Variants in NTNG1 observed in about 807,000 individuals in gnomAD.
The protein encoded by NTNG1 is netrin-G1.
A neutral mutation model predicts 54.0 loss-of-function variants in NTNG1; 16 were observed. The ratio of observed to expected loss-of-function variants is 0.30; its 90% CI spans 0.20 to 0.45. The LOEUF is 0.45. Ranked by LOEUF, NTNG1 falls within the 20% of genes least tolerant of loss-of-function variation. The pLI, the probability that NTNG1 is intolerant of heterozygous loss-of-function variation, is 1.00. For synonymous variants in NTNG1, 255 were observed against 263.1 expected (o/e 0.97, Z 0.30); for missense variants, 530 against 678.7 (o/e 0.78, Z 2.43).
chr1:107,464,403 C>A (rs1677469935), intron 7 of NTNG1, among the ~76,000 whole-genome samples: 2 of 152,078 alleles, frequency 1.3e-5, no homozygotes. Flanking sequence ...AAAGATTTGC[C>A]TAGTTGGGGC....
intron 7 of NTNG1, among the ~76,000 whole-genome samples, chr1:107,437,677 G>A (rs919125569): frequency 6.6e-6 from 1 of 152,016 alleles, no homozygotes; most frequent in Non-Finnish European, 1.5e-5. Flanking sequence ...AAAGTAAAAA[G>A]AAATAAGATA....
chr1:107,439,277 C>CGT (rs3064151), intron 7 of NTNG1, among the ~76,000 whole-genome samples: 76,559 of 145,748 alleles, frequency 0.53, 21,277 homozygotes, highest in Non-Finnish European at 0.62. Flanking sequence ...CCAGAACTTG[C>CGT]GTGTGTGTGT....
intron 2 of NTNG1, among the ~76,000 whole-genome samples, chr1:107,271,722 A>G (rs1664155952): frequency 1.3e-5 from 2 of 152,148 alleles, no homozygotes; most frequent in African/African-American, 4.8e-5. Flanking sequence ...GGTAAAATGG[A>G]TGTTTCCCCA....
rs140195957 is a variant in NTNG1 at position 107,368,785 on chromosome 1, C to A, written c.888-26369C>A. On this transcript the variant is annotated intron_variant, in intron 3 of 7. Transcript: ENST00000370068. ...AATGGAGTCAGGATTCCATTCCAGG[C>A]AGTCCAACACTAAGACCTTGTCTTT... 7.2e-5 allele frequency among the ~76,000 whole-genome samples: 11 copies of A among 152,268 alleles called. No individual in the cohort carries two copies. The East Asian group carries it at 2.1e-3, about 29-fold the overall frequency.
intron 2 of NTNG1, among the ~76,000 whole-genome samples, chr1:107,247,494 C>T (rs1662281433): frequency 1.3e-5 from 2 of 152,116 alleles, no homozygotes; most frequent in South Asian, 4.1e-4. Flanking sequence ...AGTATAATAA[C>T]GTCTTTCAGT....
intron 2 of NTNG1, among the ~76,000 whole-genome samples, chr1:107,218,937 G>A (rs1433698843): frequency 1.3e-5 from 2 of 151,998 alleles, no homozygotes; most frequent in South Asian, 2.1e-4. Flanking sequence ...TCTTGTACTT[G>A]GATGTCTGGG....
chr1:107,315,923 T>G (rs1667311441), intron 2 of NTNG1, among the ~76,000 whole-genome samples: 1 of 152,190 alleles, frequency 6.6e-6, no homozygotes, highest in Non-Finnish European at 1.5e-5. Flanking sequence ...GATAGGAATA[T>G]AGATAAAGTA....
intron 5 of NTNG1, among the ~76,000 whole-genome samples, chr1:107,423,996 A>G (rs1225884673): frequency 6.6e-6 from 1 of 152,170 alleles, no homozygotes; most frequent in Non-Finnish European, 1.5e-5. Context: ...GCAATATCTT[A>G]AGTTCTGTAG....
At chr1:107,415,464 C>A (rs1046091793) in intron 5 of NTNG1, among the ~76,000 whole-genome samples, 1 of 152,088 alleles carries the variant, frequency 6.6e-6, no homozygotes, top group South Asian at 2.1e-4. Flanking sequence ...CTGAGAGAAA[C>A]CTTAGAAATC....
chr1:107,476,361 GACC>G (rs1441449829), intron 7 of NTNG1, among the ~76,000 whole-genome samples: 7 of 152,002 alleles, frequency 4.6e-5, no homozygotes, highest in East Asian at 3.9e-4. Context: ...TTGCAACAAC[GACC>G]ACCACCACCC....
intron 3 of NTNG1, among the ~76,000 whole-genome samples, chr1:107,361,446 A>G (rs1479095951): frequency 3.6e-5 from 5 of 139,836 alleles, no homozygotes; most frequent in African/African-American, 1.3e-4. Context: ...CTGGAGTGCA[A>G]TGGCGTGATC....
At chr1:107,293,058 A>C (rs944117554) in intron 2 of NTNG1, among the ~76,000 whole-genome samples, 1 of 152,174 alleles carries the variant, frequency 6.6e-6, no homozygotes, top group Non-Finnish European at 1.5e-5. Context: ...TTCACTGCTG[A>C]TAACACTATA....
chr1:107,155,024 G>C (rs1654880757), intron 2 of NTNG1, among the ~76,000 whole-genome samples: 1 of 152,028 alleles, frequency 6.6e-6, no homozygotes, highest in Non-Finnish European at 1.5e-5. Flanking sequence ...AGATAACCTT[G>C]TCTGCTTTTA....
intron 2 of NTNG1, among the ~76,000 whole-genome samples, chr1:107,253,774 A>G (rs2101627131): frequency 6.6e-6 from 1 of 152,336 alleles, no homozygotes; most frequent in South Asian, 2.1e-4. Flanking sequence ...TGCAAACAAA[A>G]GAACCAACAT....
intron 2 of NTNG1, among the ~76,000 whole-genome samples, chr1:107,245,828 G>A (rs1228084179): frequency 1.3e-5 from 2 of 152,038 alleles, no homozygotes; most frequent in Non-Finnish European, 2.9e-5. Flanking sequence ...CTATTAAATG[G>A]AAGTAATACC....
intron 2 of NTNG1, among the ~76,000 whole-genome samples, chr1:107,302,276 G>A (rs1349643373): frequency 6.6e-6 from 1 of 152,010 alleles, no homozygotes; most frequent in Non-Finnish European, 1.5e-5. Flanking sequence ...ATTAAGATAG[G>A]TCTGCCCCAT....
intron 7 of NTNG1, among the ~76,000 whole-genome samples, chr1:107,470,773 T>TTGTCTG (rs1169004949): frequency 1.3e-5 from 2 of 152,228 alleles, no homozygotes. Flanking sequence ...TATGAGAACC[T>TTGTCTG]TGTCTGTGTC....
At chr1:107,163,574 G>A (rs1655562517) in intron 2 of NTNG1, among the ~76,000 whole-genome samples, 1 of 152,070 alleles carries the variant, frequency 6.6e-6, no homozygotes, top group African/African-American at 2.4e-5. Flanking sequence ...CTGCTTGTGA[G>A]GTTCAGGCTC....
chr1:107,403,734 T>C (rs1273255286), intron 4 of NTNG1: 1 of 153,344 alleles, frequency 6.5e-6, no homozygotes, highest in African/African-American at 2.4e-5. Context: ...TGCACACCTG[T>C]GCTTCATTTC....
Sources: allele counts gnomAD v4.1 joint callset (sites outside exome capture counted in the v4.1 genomes callset), GRCh38; gene constraint gnomAD v4.1.1; transcripts MANE v1.5; gene names NCBI Gene and HGNC (gene_info 2026-07-23, HGNC 2026-07-21).